The following TEAD1 variants were observed in gnomAD, a reference collection of about 807,000 sequenced individuals.
The protein encoded by TEAD1 is TEA domain transcription factor 1.
Under a neutral mutation model 54.9 loss-of-function variants are expected in TEAD1, and 9 were observed. The observed-to-expected ratio is 0.16, with a 90% CI of 0.10 to 0.29. The LOEUF is 0.29. Ranked by LOEUF, TEAD1 falls within the 10% of genes least tolerant of loss-of-function variation. TEAD1 has a pLI of 1.00. For missense variants in TEAD1, 387 were observed against 535.9 expected, an observed-to-expected ratio of 0.72 and a Z score of 2.74; for synonymous variants, 200 against 187.8, an observed-to-expected ratio of 1.07 and a Z score of -0.53.
chr11:12,914,934 T>A (rs755222874), intron 10 of TEAD1, among the ~76,000 whole-genome samples: 1 of 152,254 alleles, frequency 6.6e-6, no homozygotes, highest in Non-Finnish European at 1.5e-5. Flanking sequence ...GCTTCACAAT[T>A]TGAAATCTTG....
chr11:12,750,807 A>G (rs1944854910), intron 2 of TEAD1, among the ~76,000 whole-genome samples: 1 of 152,216 alleles, frequency 6.6e-6, no homozygotes, highest in Admixed American at 6.5e-5. Context: ...AGACCAGCCT[A>G]AATGCCACCT....
At chr11:12,781,653 A>T (rs1945546264) in intron 3 of TEAD1, among the ~76,000 whole-genome samples, 1 of 151,894 alleles carries the variant, frequency 6.6e-6, no homozygotes, top group South Asian at 2.1e-4. Context: ...ATTAAAAAAA[A>T]AAAAACAGAC....
chr11:12,900,052 T>C (rs1190444584), intron 9 of TEAD1, among the ~76,000 whole-genome samples: 2 of 152,340 alleles, frequency 1.3e-5, no homozygotes, highest in Admixed American at 6.5e-5. Flanking sequence ...TGTTTAAAAA[T>C]GTTTCTTTAT....
At chr11:12,830,918 A>G (rs959115130) in intron 3 of TEAD1, among the ~76,000 whole-genome samples, 6 of 151,952 alleles carry the variant, frequency 3.9e-5, no homozygotes, top group Non-Finnish European at 8.8e-5. Context: ...TCCCTTTTCT[A>G]TCCTCCCTCT....
At chr11:12,747,621 C>T (rs1944773500) in intron 2 of TEAD1, among the ~76,000 whole-genome samples, 1 of 152,216 alleles carries the variant, frequency 6.6e-6, no homozygotes, top group Non-Finnish European at 1.5e-5. Flanking sequence ...CAGGCGTGAG[C>T]CACCACGCCT....
chr11:12,891,966 C>T (rs1479075467), intron 9 of TEAD1, among the ~76,000 whole-genome samples: 1 of 152,182 alleles, frequency 6.6e-6, no homozygotes, highest in Admixed American at 6.5e-5. Flanking sequence ...GGGGCTGGAC[C>T]TCCTGGACGT....
intron 10 of TEAD1, among the ~76,000 whole-genome samples, chr11:12,918,321 A>C (rs1176163647): frequency 6.7e-6 from 1 of 149,874 alleles, no homozygotes; most frequent in Non-Finnish European, 1.5e-5. Flanking sequence ...ATATATATAT[A>C]AAATTATATA....
chr11:12,930,355 G>T, intron 12 of TEAD1, 29 bp downstream of exon 12: 1 of 1,613,404 alleles, frequency 6.2e-7, no homozygotes, highest in Non-Finnish European at 8.5e-7. Flanking sequence ...TCCTCTGTGG[G>T]CAGATGCTGC....
intron 3 of TEAD1, among the ~76,000 whole-genome samples, chr11:12,797,188 A>T (rs1327700165): frequency 6.6e-6 from 1 of 152,168 alleles, no homozygotes; most frequent in Non-Finnish European, 1.5e-5. Flanking sequence ...CCAGATGGTG[A>T]CCTCTTAACT....
chr11:12,883,773 G>A (rs991512444), intron 9 of TEAD1, among the ~76,000 whole-genome samples: 2 of 152,102 alleles, frequency 1.3e-5, no homozygotes, highest in Non-Finnish European at 2.9e-5. Flanking sequence ...CAGCACTTTG[G>A]GAGGCCGAGG....
rs202244386 is a variant in TEAD1, at chr11:12,766,430, T to C, written c.202+1996T>C. Among the ~76,000 whole-genome samples the C allele has an allele frequency of 8.5e-5, 13 of 152,362 alleles. No homozygotes were observed. In the East Asian group the frequency reaches 2.5e-3, roughly 29 times the overall value. On this transcript the variant is annotated intron_variant, in intron 3 of 12. Transcript: ENST00000527636. Reference sequence around the variant, plus strand: ...AAGAAGAACAAAGAGAAGCTTTGGATGTGAGTAGCTGTATCAACAATGAAC... The same window carrying C: ...AAGAAGAACAAAGAGAAGCTTTGGACGTGAGTAGCTGTATCAACAATGAAC...
In TEAD1 at chr11:12,915,377, C is replaced by T. The variant is rs553986767; in HGVS notation, c.874-9535C>T. On this transcript the variant is annotated intron_variant, in intron 10 of 12. Transcript: ENST00000527636. ...AGGTCTCCAGAGGACGGAGGTTTTG[C>T]AGGGATGATCCACTCTGTCCCCTGG... Among the ~76,000 whole-genome samples the T allele has an allele frequency of 2.6e-5, 4 of 152,302 alleles. 1 individual carries two copies. The South Asian group carries it at 8.3e-4, about 32-fold the overall frequency.
At chr11:12,730,507 T>G (rs2133878295) in intron 2 of TEAD1, among the ~76,000 whole-genome samples, 1 of 147,166 alleles carries the variant, frequency 6.8e-6, no homozygotes, top group Non-Finnish European at 1.5e-5. Context: ...CTTAAAAACT[T>G]GATTGAGAAT....
At chr11:12,683,135 T>C (rs1299523073) in intron 2 of TEAD1, among the ~76,000 whole-genome samples, 7 of 152,228 alleles carry the variant, frequency 4.6e-5, no homozygotes, top group African/African-American at 1.7e-4. Context: ...TTATTTAGCT[T>C]GTATTTTCCT....
At position 12,910,747 on chromosome 11, in the gene TEAD1, C is replaced by CTTTTTTTTTTT. The variant is rs5789752; in HGVS notation, c.873+8641_873+8651dup. Among the ~76,000 whole-genome samples, 30 of 119,920 alleles carry CTTTTTTTTTTT rather than the reference C, an allele frequency of 2.5e-4. 1 individual carries two copies. Among genetic ancestry groups the CTTTTTTTTTTT allele is most frequent in the African/African-American group, 5.4e-4 (17 of 31,220 alleles). The allele number at this position is 119,920 out of a possible 152,430, so 78.7% of individuals were successfully genotyped here. On this transcript the variant is annotated intron_variant, in intron 10 of 12. Transcript: ENST00000527636. ...ACTGTCTACATAGTTACTTAATTTGCTTTTTTTTTTTTTTTTTGAGATGGA... is the reference window on the plus strand; with the variant it reads ...ACTGTCTACATAGTTACTTAATTTGCTTTTTTTTTTTTTTTTTTTTTTTTTTTTGAGATGGA...
At chr11:12,744,662 A>C (rs997425161) in intron 2 of TEAD1, among the ~76,000 whole-genome samples, 1 of 152,230 alleles carries the variant, frequency 6.6e-6, no homozygotes. Flanking sequence ...ATTAACTTTT[A>C]TAACTAGAGG....
chr11:12,763,289 C>T (rs946872483), intron 2 of TEAD1, among the ~76,000 whole-genome samples: 1 of 152,198 alleles, frequency 6.6e-6, no homozygotes, highest in African/African-American at 2.4e-5. Context: ...AATACTCCCC[C>T]ACAGTTTTCA....
chr11:12,865,094 CGT>C (rs879592476), intron 5 of TEAD1, 194 bp downstream of exon 5: 24 of 680,050 alleles, frequency 3.5e-5, no homozygotes, highest in East Asian at 5.6e-5. Flanking sequence ...TGTGTGAGCG[CGT>C]GTGTGTGTTT....
intron 2 of TEAD1, among the ~76,000 whole-genome samples, chr11:12,729,225 C>T (rs1432730508): frequency 6.6e-6 from 1 of 152,212 alleles, no homozygotes; most frequent in East Asian, 1.9e-4. Flanking sequence ...TCTGGGCTTT[C>T]AGATCATGTG....
Sources: allele counts gnomAD v4.1 joint callset (sites outside exome capture counted in the v4.1 genomes callset), GRCh38; gene constraint gnomAD v4.1.1; transcripts MANE v1.5; gene names NCBI Gene and HGNC (gene_info 2026-07-23, HGNC 2026-07-21).